CHCHD3: variants seen among roughly 807,000 people sequenced by gnomAD.
CHCHD3 encodes the protein MICOS complex subunit MIC19.
CHCHD3 carries 20 observed loss-of-function variants against 38.2 expected under a neutral mutation model. The ratio of observed to expected loss-of-function variants is 0.52; its 90% CI spans 0.37 to 0.76. The LOEUF (loss-of-function observed/expected upper bound fraction) is 0.76, where lower values mean the gene tolerates loss of function less well. Ranked by LOEUF, CHCHD3 falls within the 30% of genes least tolerant of loss-of-function variation. The pLI is 0.00. For synonymous variants in CHCHD3, 82 were observed against 100.0 expected (o/e 0.82, Z 1.07); for missense variants, 245 against 279.2 (o/e 0.88, Z 0.87).
At chr7:132,941,454 G>A (rs1191190650) in intron 4 of CHCHD3, among the ~76,000 whole-genome samples, 4 of 152,044 alleles carry the variant, frequency 2.6e-5, no homozygotes, top group African/African-American at 9.6e-5. Flanking sequence ...CCCCCACTAA[G>A]ACCATCAGCC....
At chr7:132,939,618 T>C (rs1156742761) in intron 4 of CHCHD3, among the ~76,000 whole-genome samples, 1 of 152,196 alleles carries the variant, frequency 6.6e-6, no homozygotes. Flanking sequence ...TTCTTTGTTA[T>C]TTATGACTGT....
rs1812589065 is a variant in CHCHD3 at position 133,002,075 on chromosome 7, A to G, written c.251+22471T>C. 2.6e-5 allele frequency among the ~76,000 whole-genome samples: 4 copies of G among 152,186 alleles called. No homozygotes were observed. The South Asian group carries it at 8.3e-4, about 31-fold the overall frequency. ...GTTATGTAATTTACTAAGTGGTCTC[A>G]GAACTAGTAACCCATGAAGCTGGAA... On this transcript the variant is annotated intron_variant, in intron 3 of 7. Transcript: ENST00000262570.
chr7:132,878,560 T>C (rs907608380), intron 5 of CHCHD3, among the ~76,000 whole-genome samples: 2 of 152,240 alleles, frequency 1.3e-5, no homozygotes, highest in African/African-American at 4.8e-5. Flanking sequence ...AATTTATTTT[T>C]CACCATTCTC....
At chr7:133,066,858 A>G (rs1366185303) in intron 2 of CHCHD3, among the ~76,000 whole-genome samples, 1 of 152,202 alleles carries the variant, frequency 6.6e-6, no homozygotes, top group Non-Finnish European at 1.5e-5. Context: ...CTTATAGACA[A>G]CGGGTTCTTT....
chr7:132,995,924 T>G (rs184351552), intron 3 of CHCHD3, among the ~76,000 whole-genome samples: 36 of 152,330 alleles, frequency 2.4e-4, no homozygotes, highest in African/African-American at 7.9e-4. Context: ...AGGTGTTTTA[T>G]GTATGTTATT....
At chr7:132,924,765 T>C (rs554731074) in intron 4 of CHCHD3, among the ~76,000 whole-genome samples, 30 of 152,318 alleles carry the variant, frequency 2.0e-4, no homozygotes, top group Admixed American at 1.5e-3. Flanking sequence ...CTTTGGCACA[T>C]GCATCAAAAT....
chr7:133,023,435 T>C (rs1813249016), intron 3 of CHCHD3, among the ~76,000 whole-genome samples: 2 of 152,338 alleles, frequency 1.3e-5, no homozygotes, highest in East Asian at 3.9e-4. Flanking sequence ...GAAGGTCCTA[T>C]GGCCAGTGAG....
chr7:133,048,778 C>T (rs1367882102), intron 2 of CHCHD3, among the ~76,000 whole-genome samples: 3 of 152,076 alleles, frequency 2.0e-5, no homozygotes, highest in Non-Finnish European at 2.9e-5. Flanking sequence ...CCAAGCGGGC[C>T]GCAAAAGATA....
chr7:132,866,521 C>T (rs1808628961), intron 5 of CHCHD3, among the ~76,000 whole-genome samples: 2 of 152,104 alleles, frequency 1.3e-5, no homozygotes, highest in Non-Finnish European at 2.9e-5. Flanking sequence ...TTAGTGTTGA[C>T]TTGGGTTTGG....
At chr7:132,944,462 T>C (rs953953918) in intron 4 of CHCHD3, among the ~76,000 whole-genome samples, 1 of 145,164 alleles carries the variant, frequency 6.9e-6, no homozygotes, top group African/African-American at 2.5e-5. Flanking sequence ...TATCCAAAAA[T>C]GGAAAAATGG....
intron 4 of CHCHD3, among the ~76,000 whole-genome samples, chr7:132,889,959 G>A (rs956703447): frequency 6.6e-6 from 1 of 152,148 alleles, no homozygotes; most frequent in African/African-American, 2.4e-5. Flanking sequence ...TATTGATATA[G>A]AACCATATCT....
At chr7:132,994,697 T>C (rs1215316332) in intron 3 of CHCHD3, among the ~76,000 whole-genome samples, 3 of 97,004 alleles carry the variant, frequency 3.1e-5, no homozygotes, top group African/African-American at 9.7e-5. Flanking sequence ...TATTATTAGC[T>C]AGTTAAACAT....
In CHCHD3 at chr7:132,913,606, C is replaced by T. The variant is rs182270173; in HGVS notation, c.370-27861G>A. ...GCCAAGAAAAATCTCACCAAATATC[C>T]ACATCCTGCAACAGGGAGGTCTACC... On this transcript the variant is annotated intron_variant, in intron 4 of 7. Coordinates refer to ENST00000262570, the MANE Select transcript of CHCHD3 (RefSeq NM_017812.4). 1.2e-4 allele frequency among the ~76,000 whole-genome samples: 18 copies of T among 152,278 alleles called. No individual in the cohort carries two copies. The East Asian group carries it at 2.9e-3, about 24-fold the overall frequency.
At chr7:132,917,814 G>A (rs961792203) in intron 4 of CHCHD3, among the ~76,000 whole-genome samples, 1 of 131,638 alleles carries the variant, frequency 7.6e-6, no homozygotes, top group South Asian at 2.5e-4. Flanking sequence ...AGCAAAGATC[G>A]CGCCACTGCC....
At chr7:132,826,028 G>A (rs1807499682) in intron 6 of CHCHD3, among the ~76,000 whole-genome samples, 1 of 152,160 alleles carries the variant, frequency 6.6e-6, no homozygotes, top group Admixed American at 6.5e-5. Context: ...ACAGGTGTAT[G>A]CTACCTTCGA....
At chr7:132,910,202 T>C (rs775363457) in intron 4 of CHCHD3, among the ~76,000 whole-genome samples, 2 of 152,216 alleles carry the variant, frequency 1.3e-5, no homozygotes, top group Non-Finnish European at 2.9e-5. Flanking sequence ...CCACTGTGTA[T>C]ACCTAGGGAC....
chr7:132,831,045 ATTAG>A (rs760796665), intron 6 of CHCHD3, among the ~76,000 whole-genome samples: 18 of 152,200 alleles, frequency 1.2e-4, no homozygotes, highest in Non-Finnish European at 1.9e-4. Context: ...GCAGAATTTA[ATTAG>A]TTAGTAAAAG....
At chr7:132,934,650 A>T (rs563482377) in intron 4 of CHCHD3, among the ~76,000 whole-genome samples, 1 of 152,300 alleles carries the variant, frequency 6.6e-6, no homozygotes, top group African/African-American at 2.4e-5. Context: ...CATGGAGTAG[A>T]TACTCAACAA....
intron 4 of CHCHD3, chr7:132,973,494 C>G (rs1414111569): frequency 1.0e-6 from 1 of 985,444 alleles, no homozygotes; most frequent in Non-Finnish European, 1.2e-6. Context: ...TGAAATTATT[C>G]CCCTTTCACA....
Sources: allele counts gnomAD v4.1 joint callset (sites outside exome capture counted in the v4.1 genomes callset), GRCh38; gene constraint gnomAD v4.1.1; transcripts MANE v1.5; gene names NCBI Gene and HGNC (gene_info 2026-07-23, HGNC 2026-07-21).